PDCD6: variants seen among roughly 807,000 people sequenced by gnomAD.
PDCD6 encodes programmed cell death 6.
In PDCD6, 12 loss-of-function variants were observed where a neutral mutation model predicts 28.3. The ratio of observed to expected loss-of-function variants is 0.42; its 90% confidence interval spans 0.27 to 0.69. The LOEUF is 0.69. Among genes scored for constraint, PDCD6 ranks in the 30% least tolerant of loss-of-function variants. The probability of loss-of-function intolerance (pLI) is 0.22; values close to 1 mark genes in which losing one functional copy is unlikely to be tolerated. For missense variants in PDCD6, 226 were observed against 269.9 expected (o/e 0.84, Z 1.14); for synonymous variants, 92 against 108.0 (o/e 0.85, Z 0.92).
At chr5:288,236 C>T (rs1459359333) in intron 2 of PDCD6, among the ~76,000 whole-genome samples, 1 of 149,906 alleles carries the variant, frequency 6.7e-6, no homozygotes, top group East Asian at 1.9e-4. Context: ...CCACTGTATT[C>T]ATCTCTTATG....
In PDCD6 at chr5:307,922, A is replaced by G. The variant is rs1333916950; in HGVS notation, c.367+1162A>G. ...CTCAAGAAGCAGTTCTGAGCTGACC[A>G]GCTGCGAGCCAGGATTTGGGCTGGA... On this transcript the variant is annotated intron_variant, in intron 4 of 5. Transcript: ENST00000264933. The surrounding 1 kb of genome is among the most constrained non-coding windows in gnomAD (Gnocchi z 6.1). Among the ~76,000 whole-genome samples the G allele has an allele frequency of 6.6e-6, 1 of 152,210 alleles. No homozygotes were observed. The highest frequency in any genetic ancestry group is 1.5e-5 in the Non-Finnish European group (1 of 68,050).
rs957740743 is a variant in PDCD6, at chr5:307,388, G to A, written c.367+628G>A. Among the ~76,000 whole-genome samples, 18 of 150,896 alleles carry A rather than the reference G, an allele frequency of 1.2e-4. No homozygotes were observed. The highest frequency in any genetic ancestry group is 3.9e-4 in the African/African-American group (16 of 41,200). Reference sequence around the variant, plus strand: ...ACACGTGTGCCGTGCGCCTCAGAAGGGGCGTTAGGCAGAACGCGTGCCCAT... The same window carrying A: ...ACACGTGTGCCGTGCGCCTCAGAAGAGGCGTTAGGCAGAACGCGTGCCCAT... On this transcript the variant is annotated intron_variant, in intron 4 of 5. Transcript: ENST00000264933. The surrounding 1 kb of genome is among the most constrained non-coding windows in gnomAD (Gnocchi z 6.1).
At chr5:285,450 G>A (rs1329950365) in intron 2 of PDCD6, among the ~76,000 whole-genome samples, 2 of 152,032 alleles carry the variant, frequency 1.3e-5, no homozygotes, top group Non-Finnish European at 2.9e-5. Flanking sequence ...CAGTTTGAGG[G>A]CCATGCAGCT....
intron 2 of PDCD6, among the ~76,000 whole-genome samples, chr5:273,756 C>T (rs1188966684): frequency 6.6e-6 from 1 of 152,160 alleles, no homozygotes; most frequent in Non-Finnish European, 1.5e-5. Context: ...TTCAGAGTAA[C>T]ATTTTTACCT....
chr5:288,322 A>G (rs1389700765), intron 2 of PDCD6, among the ~76,000 whole-genome samples: 4 of 147,920 alleles, frequency 2.7e-5, no homozygotes, highest in East Asian at 1.9e-4. Context: ...ACACATATGT[A>G]TATATAACTT....
intron 2 of PDCD6, chr5:290,069 T>C: frequency 6.3e-7 from 1 of 1,581,884 alleles, no homozygotes; most frequent in Non-Finnish European, 8.7e-7. Flanking sequence ...CTCAGTATTC[T>C]TTCCTTCATT....
intron 3 of PDCD6, 150 bp downstream of exon 3, chr5:304,371 T>G: frequency 8.4e-7 from 1 of 1,189,878 alleles, no homozygotes. Context: ...TCCCTCTCCC[T>G]CCGTCTCTGT....
chr5:279,650 G>A (rs1738436422), intron 2 of PDCD6, among the ~76,000 whole-genome samples: 1 of 151,918 alleles, frequency 6.6e-6, no homozygotes, highest in African/African-American at 2.4e-5. Flanking sequence ...ACAATGTGTG[G>A]GAAGGTGGAG....
At chr5:292,917 T>C (rs1739396427) in intron 2 of PDCD6, among the ~76,000 whole-genome samples, 1 of 152,222 alleles carries the variant, frequency 6.6e-6, no homozygotes. Context: ...GGTTGAGGGT[T>C]TACCTCCTGG....
chr5:285,449 G>A (rs1165411748), intron 2 of PDCD6, among the ~76,000 whole-genome samples: 1 of 151,848 alleles, frequency 6.6e-6, no homozygotes, highest in African/African-American at 2.4e-5. Flanking sequence ...CCAGTTTGAG[G>A]GCCATGCAGC....
At chr5:300,405 C>A (rs1204250526) in intron 2 of PDCD6, among the ~76,000 whole-genome samples, 2 of 152,200 alleles carry the variant, frequency 1.3e-5, no homozygotes. Context: ...GCCTGGCTTC[C>A]CTGGCAGCCC....
intron 2 of PDCD6, chr5:288,941 T>C: frequency 6.5e-7 from 1 of 1,543,316 alleles, no homozygotes; most frequent in Non-Finnish European, 9.0e-7. Flanking sequence ...CTACTAATTC[T>C]TCTGTTTCAC....
At chr5:296,013 T>C (rs1209746786) in intron 2 of PDCD6, among the ~76,000 whole-genome samples, 2 of 152,088 alleles carry the variant, frequency 1.3e-5, no homozygotes, top group African/African-American at 4.8e-5. Context: ...GGTGAGGGGT[T>C]TGGCGTCTTA....
Position 274,663 on chromosome 5 carries a change from T to TC in PDCD6, c.163+1892dup, listed in dbSNP as rs147579403. Reference sequence around the variant, plus strand: ...GATGGTGATGATGGTTTCCACTTACTCAACACTCACACGCTGGGCTAGGCA... The same window carrying TC: ...GATGGTGATGATGGTTTCCACTTACTCCAACACTCACACGCTGGGCTAGGCA... On this transcript the variant is annotated intron_variant, in intron 2 of 5. Transcript: ENST00000264933. Among the ~76,000 whole-genome samples the TC allele has an allele frequency of 7.0e-3, 1,069 of 152,294 alleles. 5 individuals carry two copies. The highest frequency in any genetic ancestry group is 0.012 in the Non-Finnish European group (798 of 68,026).
chr5:280,290 T>C (rs1026913585), intron 2 of PDCD6, among the ~76,000 whole-genome samples: 5 of 150,660 alleles, frequency 3.3e-5, no homozygotes, highest in Non-Finnish European at 5.9e-5. Context: ...GATAGAGGCC[T>C]GTCCGGCAGG....
At position 314,677 on chromosome 5, in the gene PDCD6, T is replaced by G. The variant is rs1223480058; in HGVS notation, c.*162T>G. 1.4e-6 allele frequency: 1 copy of G among 696,842 alleles called. No homozygotes were observed. Among genetic ancestry groups the G allele is most frequent in the Non-Finnish European group, 2.6e-6 (1 of 381,410 alleles). The allele number at this position is 696,842 out of a possible 1,614,324, so 43.2% of individuals were successfully genotyped here. A position where few individuals can be genotyped will look rare whatever the true frequency, so the allele number is the denominator to read the frequency against. ...CATATGTGGATAAGCTGATTAATGGTTTTGCAACTGTAATAGTAGCTGTAT... is the reference window on the plus strand; with the variant it reads ...CATATGTGGATAAGCTGATTAATGGGTTTGCAACTGTAATAGTAGCTGTAT... On this transcript the variant is annotated 3_prime_UTR_variant, in exon 6 of 6. Transcript: ENST00000264933.
At chr5:283,795 T>C (rs1302813592) in intron 2 of PDCD6, among the ~76,000 whole-genome samples, 3 of 147,648 alleles carry the variant, frequency 2.0e-5, no homozygotes, top group African/African-American at 7.6e-5. Flanking sequence ...ATAGAAAAGC[T>C]AATGTTCAGT....
At chr5:306,507 C>CCTGCTGGGG in intron 3 of PDCD6, 95 bp from the exon 4 acceptor site, 4 of 1,366,772 alleles carry the variant, frequency 2.9e-6, no homozygotes, top group Non-Finnish European at 4.1e-6. Context: ...GCAGTGGGGC[C>CCTGCTGGGG]CCGCCAGGCT....
At chr5:284,640 C>T (rs962173121) in intron 2 of PDCD6, among the ~76,000 whole-genome samples, 2 of 134,172 alleles carry the variant, frequency 1.5e-5, no homozygotes, top group African/African-American at 6.9e-5. Flanking sequence ...GGTTGAGGAC[C>T]GTGCAGCTGG....
Sources: allele counts gnomAD v4.1 joint callset (sites outside exome capture counted in the v4.1 genomes callset), GRCh38; gene constraint gnomAD v4.1.1; non-coding constraint Gnocchi (gnomAD v3.1); transcripts MANE v1.5; gene names NCBI Gene and HGNC (gene_info 2026-07-23, HGNC 2026-07-21).